Variants in CES3 observed in about 807,000 individuals in gnomAD.
CES3 encodes the protein carboxylesterase 3 (brain).
Under a neutral mutation model 57.6 loss-of-function variants are expected in CES3, and 49 were observed. The observed-to-expected ratio is 0.85, with a 90% CI of 0.68 to 1.08. The LOEUF is 1.08. Ranked by LOEUF, CES3 falls within the 50% of genes least tolerant of loss-of-function variation. The pLI, the probability that CES3 is intolerant of heterozygous loss-of-function variation, is 0.00. For synonymous variants in CES3, 266 were observed against 281.6 expected, an observed-to-expected ratio of 0.94 and a Z score of 0.55; for missense variants, 645 against 742.0, an observed-to-expected ratio of 0.87 and a Z score of 1.52.
At chr16:66,969,996 C>T (rs1043203759) in intron 9 of CES3, among the ~76,000 whole-genome samples, 1 of 152,108 alleles carries the variant, frequency 6.6e-6, no homozygotes, top group African/African-American at 2.4e-5. Context: ...TGAAACTGCC[C>T]GTTAATGAGC....
rs1451161748 is a variant in CES3, at chr16:66,963,792, A to T, written c.427-10A>T. On this transcript the variant is annotated splice_polypyrimidine_tract_variant and intron_variant, in intron 3 of 12. Coordinates refer to ENST00000303334, the MANE Select transcript of CES3 (RefSeq NM_024922.6). This position sits in a 1 kb window ranked among gnomAD's most constrained non-coding sequence, Gnocchi z 4.9. ...GCTTGGGGGTCAGTGCCCCATGGCCACCTCTGCAGGTCATGGTATGGGTCC... is the reference window on the plus strand; with the variant it reads ...GCTTGGGGGTCAGTGCCCCATGGCCTCCTCTGCAGGTCATGGTATGGGTCC... 1 of 1,610,532 alleles carries T rather than the reference A, an allele frequency of 6.2e-7. No homozygotes were observed. The highest frequency in any genetic ancestry group is 1.7e-5 in the Admixed American group (1 of 59,958).
In CES3 at chr16:66,961,311, G is replaced by A. The variant is rs1241355969; in HGVS notation, c.4G>A (p.Glu2Lys). The A allele has an allele frequency of 5.0e-6, 8 of 1,613,618 alleles. No individual in the cohort carries two copies. The Admixed American group carries it at 5.0e-5, about 10-fold the overall frequency. M[E>K]RAVRVESGVL... ...TGTCGAACCAGTTGTAAGGAGAATG[G>A]AGAGAGCAGTGAGAGTGGAGTCCGG... is the stretch of plus-strand genomic sequence containing the variant. The change falls in exon 1 of 13, where the codon GAG becomes AAG. Residue 2 changes from glutamate (E) to lysine (K), a missense_variant. By Grantham distance (56) the Glu-to-Lys change is moderately conservative. Coordinates refer to ENST00000303334, the MANE Select transcript of CES3 (RefSeq NM_024922.6).
intron 8 of CES3, among the ~76,000 whole-genome samples, chr16:66,968,809 G>T (rs911532097): frequency 1.3e-5 from 2 of 152,070 alleles, no homozygotes; most frequent in Non-Finnish European, 2.9e-5. Context: ...AGCTACTCAG[G>T]AGGCTGAGGC....
rs1164117199 is a variant in CES3 at position 66,964,514 on chromosome 16, A to C, written c.714+4A>C. 6.2e-7 allele frequency: 1 copy of C among 1,613,856 alleles called. No homozygotes were observed. Among genetic ancestry groups the C allele is most frequent in the Non-Finnish European group, 8.5e-7 (1 of 1,179,890 alleles). ...TGGGAGCATCATCTCTGGCCTGGTA[A>C]GTCACTATAGGGGGCTAGTGATGGT... On this transcript the variant is annotated splice_donor_region_variant and intron_variant, in intron 5 of 12. Transcript: ENST00000303334.
chr16:66,974,300 C>G lies in CES3; in HGVS notation c.*1251C>G, dbSNP rs1227447880. ...CGGAGGGAGAGGGGCGGGCAGGAAC[C>G]GGGGCTGCGCGCAGCGCTTGCGGGC... On this transcript the variant is annotated 3_prime_UTR_variant, in exon 13 of 13. Coordinates refer to ENST00000303334, the MANE Select transcript of CES3 (RefSeq NM_024922.6). 1 of 152,426 alleles carries G rather than the reference C, an allele frequency of 6.6e-6. No individual in the cohort carries two copies. The highest frequency in any genetic ancestry group is 1.5e-5 in the Non-Finnish European group (1 of 68,228). The allele number at this position is 152,426 out of a possible 1,614,324, so 9.4% of individuals were successfully genotyped here.
rs746630907 is a variant in CES3, at chr16:66,971,313, C to T, written c.1285C>T (p.Leu429Phe). The change falls in exon 10 of 13, where the codon CTT becomes TTT. Residue 429 changes from leucine to phenylalanine, a missense_variant. Leu to Phe is a conservative substitution (Grantham distance 22). Coordinates refer to ENST00000303334, the MANE Select transcript of CES3 (RefSeq NM_024922.6). Reference sequence around the variant, plus strand: ...TCCCACCGTCAGTTTTTCAAGATACCTTCGAGGTAAGCCTGTCCCTGGCCA... The same window carrying T: ...TCCCACCGTCAGTTTTTCAAGATACTTTCGAGGTAAGCCTGTCCCTGGCCA... ...NVPTVSFSRY[L>F]RDSGSPVFFY... is the part of the protein sequence containing the mutation. 11 of 1,613,364 alleles carry T rather than the reference C, an allele frequency of 6.8e-6. 1 individual carries two copies. The South Asian group carries it at 1.2e-4, about 18-fold the overall frequency.
rs993745285 is a variant in CES3, at chr16:66,973,493, G to C, written c.*444G>C. On this transcript the variant is annotated 3_prime_UTR_variant, in exon 13 of 13. Coordinates refer to ENST00000303334, the MANE Select transcript of CES3 (RefSeq NM_024922.6). ...AACCCCACTCTGTCACCCACACCAG[G>C]ATCGGGTGGGACCTGGAGCTAGGGG... 1 of 159,462 alleles carries C rather than the reference G, an allele frequency of 6.3e-6. No homozygotes were observed. Among genetic ancestry groups the C allele is most frequent in the Non-Finnish European group, 1.4e-5 (1 of 72,374 alleles). 9.9% of individuals were successfully genotyped at this position (159,462 alleles called of 1,614,324 possible).
rs1963737223 is a variant in CES3, at chr16:66,966,710, T to C, written c.922-15T>C. ...GCCCTAACTTGGGAGCCTCCTGCAT[T>C]GCTTTCTCCTGCAGAAAAATACTAT... is the stretch of plus-strand genomic sequence containing the variant. On this transcript the variant is annotated splice_polypyrimidine_tract_variant and intron_variant, in intron 7 of 12. Coordinates refer to ENST00000303334, the MANE Select transcript of CES3 (RefSeq NM_024922.6). 1 of 1,613,848 alleles carries C rather than the reference T, an allele frequency of 6.2e-7. No homozygotes were observed. The highest frequency in any genetic ancestry group is 8.5e-7 in the Non-Finnish European group (1 of 1,180,028).
At chr16:66,969,123 A>G (rs771022335) in intron 8 of CES3, among the ~76,000 whole-genome samples, 31 of 152,074 alleles carry the variant, frequency 2.0e-4, no homozygotes, top group South Asian at 6.2e-4. Context: ...TGGGTGACTC[A>G]GGCTGGGCCC....
At chr16:66,971,703 AGACCC>A (rs372743854) in intron 10 of CES3, among the ~76,000 whole-genome samples, 48,845 of 152,008 alleles carry the variant, frequency 0.32, 11,406 homozygotes, top group African/African-American at 0.66. Context: ...GAACAGTTCC[AGACCC>A]AGAACTTTGT....
intron 1 of CES3, among the ~76,000 whole-genome samples, chr16:66,962,695 G>A (rs750210195): frequency 5.3e-5 from 8 of 152,196 alleles, no homozygotes. Context: ...TCAGGAGTTC[G>A]AGACCAGCCT....
intron 4 of CES3, 91 bp from the exon 5 acceptor site, chr16:66,964,266 G>C: frequency 6.5e-7 from 1 of 1,533,044 alleles, no homozygotes. Flanking sequence ...GCAGAGAAGG[G>C]TCTGGCATCC....
At position 66,963,865 on chromosome 16, in the gene CES3, G is replaced by T. The variant is rs369072870; in HGVS notation, c.490G>T (p.Ala164Ser). 8.7e-6 allele frequency: 14 copies of T among 1,614,206 alleles called. No individual in the cohort carries two copies. The highest frequency in any genetic ancestry group is 1.1e-5 in the Non-Finnish European group (13 of 1,180,020). The change falls in exon 4 of 13, where the codon GCT becomes TCT. Residue 164 changes from alanine (A) to serine (S), a missense_variant. Ala to Ser is a moderately conservative substitution (Grantham distance 99, BLOSUM62 1). Coordinates refer to ENST00000303334, the MANE Select transcript of CES3 (RefSeq NM_024922.6). This position sits in a 1 kb window ranked among gnomAD's most constrained non-coding sequence, Gnocchi z 4.9. ...TGAATSYDGS[A>S]LAAYGDVVVV... is the part of the protein sequence containing the mutation. The stretch of plus-strand genomic sequence containing the variant: ...CGCTGCCACCTCCTACGATGGATCA[G>T]CTCTGGCTGCCTATGGGGATGTGGT...
In CES3 at chr16:66,969,769, G is replaced by A; in HGVS notation, c.1143+10G>A. 1.9e-6 allele frequency: 3 copies of A among 1,608,624 alleles called. No individual in the cohort carries two copies. Among genetic ancestry groups the A allele is most frequent in the Non-Finnish European group, 2.5e-6 (3 of 1,177,390 alleles). ...CGTCTTGACCAGTCTGGTGAGACAAGAGGCAGGAGGGAGGAAGCTAGGGCA... is the reference window on the plus strand; with the variant it reads ...CGTCTTGACCAGTCTGGTGAGACAAAAGGCAGGAGGGAGGAAGCTAGGGCA... On this transcript the variant is annotated intron_variant, in intron 9 of 12. Transcript: ENST00000303334.
Position 66,963,943 on chromosome 16 carries a change from G to A in CES3, c.560+8G>A, listed in dbSNP as rs778969545. ...GGTCCTTGGCTTCTTCAGGTGAGAC[G>A]ACAGGCATGGCCAGAGCACTGCCTG... is the stretch of plus-strand genomic sequence containing the variant. On this transcript the variant is annotated splice_region_variant and intron_variant, in intron 4 of 12. Transcript: ENST00000303334. This position sits in a 1 kb window ranked among gnomAD's most constrained non-coding sequence, Gnocchi z 4.9. 18 of 1,611,338 alleles carry A rather than the reference G, an allele frequency of 1.1e-5. No individual in the cohort carries two copies. Among genetic ancestry groups the A allele is most frequent in the Admixed American group, 5.0e-5 (3 of 59,972 alleles).
At chr16:66,970,501 A>G (rs1345004597) in intron 9 of CES3, among the ~76,000 whole-genome samples, 1 of 152,250 alleles carries the variant, frequency 6.6e-6, no homozygotes, top group Non-Finnish European at 1.5e-5. Flanking sequence ...GGGCAGAGGC[A>G]GAGTTTAAGC....
chr16:66,966,564 G>C (rs1963735014), intron 7 of CES3, 161 bp from the exon 8 acceptor site: 1 of 937,026 alleles, frequency 1.1e-6, no homozygotes, highest in African/African-American at 1.7e-5. Flanking sequence ...CTGTTGCCCT[G>C]ATCTCCTGGT....
At chr16:66,968,787 G>A (rs998363470) in intron 8 of CES3, among the ~76,000 whole-genome samples, 1 of 152,056 alleles carries the variant, frequency 6.6e-6, no homozygotes, top group Non-Finnish European at 1.5e-5. Context: ...GGTGGTGCAT[G>A]CCTGTAATTC....
rs769056083 is a variant in CES3 at position 66,961,366 on chromosome 16, T to A, written c.59T>A (p.Leu20Gln). The A allele has an allele frequency of 6.2e-7, 1 of 1,612,738 alleles. No homozygotes were observed. Among genetic ancestry groups the A allele is most frequent in the Non-Finnish European group, 8.5e-7 (1 of 1,179,580 alleles). ...CTGGTCGGGGTGGTCTGTCTGCTCC[T>A]GGCATGCCCTGCCACAGCCACTGGT... ...GVLVGVVCLL[L>Q]ACPATATGPE... Residue 20 changes from leucine to glutamine, a missense_variant, in exon 1 of 13, where the codon CTG becomes CAG. Coordinates refer to ENST00000303334, the MANE Select transcript of CES3 (RefSeq NM_024922.6).
Sources: gnomAD v4.1 joint callset for allele counts (sites outside exome capture counted in the v4.1 genomes callset) on GRCh38, gnomAD v4.1.1 for gene constraint, Gnocchi (gnomAD v3.1) non-coding constraint, MANE v1.5 for transcripts, NCBI Gene and HGNC (gene_info 2026-07-23, HGNC 2026-07-21) for gene names.